DPP10: variants seen among roughly 807,000 people sequenced by gnomAD.
DPP10 encodes the protein dipeptidyl peptidase like 10.
Under a neutral mutation model 120.9 loss-of-function variants are expected in DPP10, and 33 were observed. The observed-to-expected ratio is 0.27, with a 90% CI of 0.21 to 0.37. The LOEUF (loss-of-function observed/expected upper bound fraction) is 0.37. Ranked by LOEUF, DPP10 falls within the 10% of genes least tolerant of loss-of-function variation. DPP10 has a pLI of 1.00. For missense variants in DPP10, 816 were observed against 942.8 expected (o/e 0.87, Z 1.76); for synonymous variants, 337 against 326.1 (o/e 1.03, Z -0.36).
rs892012034 is a variant in DPP10 at position 115,596,724 on chromosome 2, C to T, written c.441+70752C>T. ...ATTGTATCATCATCTGCTCAAACCA[C>T]GGGAAAAAATTATGTGAGTAAAATT... is the stretch of plus-strand genomic sequence containing the variant. On this transcript the variant is annotated intron_variant, in intron 5 of 25. Coordinates refer to ENST00000410059, the MANE Select transcript of DPP10 (RefSeq NM_020868.6). Among the ~76,000 whole-genome samples the T allele has an allele frequency of 5.9e-5, 9 of 151,968 alleles. No homozygotes were observed. The South Asian group carries it at 1.0e-3, about 17-fold the overall frequency.
chr2:114,559,389 G>A (rs1016884126), intron 1 of DPP10, among the ~76,000 whole-genome samples: 3 of 152,142 alleles, frequency 2.0e-5, no homozygotes, highest in African/African-American at 7.2e-5. Flanking sequence ...GTCAGAAAAG[G>A]CAAAGAAATG....
At chr2:114,735,148 G>C (rs1453293744) in intron 1 of DPP10, among the ~76,000 whole-genome samples, 1 of 152,062 alleles carries the variant, frequency 6.6e-6, no homozygotes, top group South Asian at 2.1e-4. Flanking sequence ...TAGGGCTTAG[G>C]ATTTCAACAT....
chr2:115,800,872 G>C (rs1203105354), intron 19 of DPP10, among the ~76,000 whole-genome samples: 4 of 151,966 alleles, frequency 2.6e-5, no homozygotes, highest in Non-Finnish European at 5.9e-5. Flanking sequence ...GTAGCGTGAT[G>C]CCTCCAGCTT....
intron 3 of DPP10, among the ~76,000 whole-genome samples, chr2:115,491,541 C>G (rs927800241): frequency 1.3e-5 from 2 of 151,794 alleles, no homozygotes; most frequent in Admixed American, 6.6e-5. Flanking sequence ...TGGAATGTCT[C>G]TGGGAGGAGA....
intron 11 of DPP10, among the ~76,000 whole-genome samples, chr2:115,759,268 T>A (rs1222824112): frequency 6.6e-6 from 1 of 151,964 alleles, no homozygotes; most frequent in East Asian, 1.9e-4. Flanking sequence ...GAAAAAGTAC[T>A]CAACATTTGG....
intron 1 of DPP10, among the ~76,000 whole-genome samples, chr2:114,842,558 T>C (rs368961674): frequency 7.2e-4 from 110 of 152,130 alleles, no homozygotes; most frequent in African/African-American, 2.5e-3. Context: ...TGACTTCTCT[T>C]CCCCAGGAAA....
chr2:114,903,488 T>G (rs1693743402), intron 1 of DPP10, among the ~76,000 whole-genome samples: 2 of 152,186 alleles, frequency 1.3e-5, no homozygotes, highest in Non-Finnish European at 2.9e-5. Flanking sequence ...CTAATAGATG[T>G]GTAGTGGTAT....
chr2:115,400,657 C>A (rs1027136273), intron 3 of DPP10, among the ~76,000 whole-genome samples: 1 of 152,070 alleles, frequency 6.6e-6, no homozygotes, highest in Non-Finnish European at 1.5e-5. Flanking sequence ...AACTCAGGGA[C>A]CATCTGTGTG....
At chr2:114,695,236 T>C (rs1339763851) in intron 1 of DPP10, among the ~76,000 whole-genome samples, 1 of 152,022 alleles carries the variant, frequency 6.6e-6, no homozygotes, top group Non-Finnish European at 1.5e-5. Flanking sequence ...TGGGCGATTA[T>C]GAAAGTGATA....
chr2:115,711,736 T>C (rs2092321877), intron 7 of DPP10, among the ~76,000 whole-genome samples: 1 of 152,146 alleles, frequency 6.6e-6, no homozygotes, highest in Non-Finnish European at 1.5e-5. Flanking sequence ...CTGCTAGACT[T>C]TGCTGACATT....
chr2:115,647,485 G>C (rs1188706845), intron 5 of DPP10, among the ~76,000 whole-genome samples: 2 of 152,036 alleles, frequency 1.3e-5, no homozygotes, highest in Non-Finnish European at 2.9e-5. Context: ...GCTATGAAAA[G>C]TGCAAATGTT....
intron 1 of DPP10, among the ~76,000 whole-genome samples, chr2:114,724,370 G>A (rs1181283100): frequency 6.6e-6 from 1 of 152,190 alleles, no homozygotes; most frequent in African/African-American, 2.4e-5. Context: ...AGACCGCCAG[G>A]ATGGCTAAAT....
chr2:115,190,627 C>G (rs576342423), intron 1 of DPP10, among the ~76,000 whole-genome samples: 1 of 152,136 alleles, frequency 6.6e-6, no homozygotes, highest in African/African-American at 2.4e-5. Context: ...AGATGGCCCT[C>G]GGGGGCTGAC....
intron 1 of DPP10, among the ~76,000 whole-genome samples, chr2:114,711,975 A>G (rs961201540): frequency 6.6e-6 from 1 of 152,212 alleles, no homozygotes; most frequent in Non-Finnish European, 1.5e-5. Context: ...AATAATTATC[A>G]TCATCAAATA....
chr2:115,711,127 C>G (rs2092300244), intron 7 of DPP10, among the ~76,000 whole-genome samples: 1 of 152,058 alleles, frequency 6.6e-6, no homozygotes. Context: ...GCAGATAAAG[C>G]TAGGTGAGTA....
intron 1 of DPP10, among the ~76,000 whole-genome samples, chr2:114,971,547 T>C (rs1272289911): frequency 6.6e-6 from 1 of 152,176 alleles, no homozygotes; most frequent in Non-Finnish European, 1.5e-5. Flanking sequence ...CACAGAGATG[T>C]AAATGGGTGC....
At chr2:115,487,348 T>G (rs1188369689) in intron 3 of DPP10, among the ~76,000 whole-genome samples, 6 of 108,468 alleles carry the variant, frequency 5.5e-5, no homozygotes, top group South Asian at 3.7e-4. Context: ...AAGCTACCAA[T>G]GCCTTTCTTC....
At chr2:115,640,069 C>G (rs1200558621) in intron 5 of DPP10, among the ~76,000 whole-genome samples, 1 of 151,296 alleles carries the variant, frequency 6.6e-6, no homozygotes, top group African/African-American at 2.4e-5. Context: ...TTTAGATCTA[C>G]TTGACTCCAA....
At chr2:114,494,847 T>C (rs914388524) in intron 1 of DPP10, among the ~76,000 whole-genome samples, 5 of 152,152 alleles carry the variant, frequency 3.3e-5, no homozygotes, top group Non-Finnish European at 7.4e-5. Context: ...GTATTAGTGA[T>C]AGAATGGGCC....
Sources: allele counts gnomAD v4.1 joint callset (sites outside exome capture counted in the v4.1 genomes callset), GRCh38; gene constraint gnomAD v4.1.1; transcripts MANE v1.5; gene names NCBI Gene and HGNC (gene_info 2026-07-23, HGNC 2026-07-21).